The following DLGAP2 variants were observed in gnomAD, a reference collection of about 807,000 sequenced individuals.
DLGAP2 encodes the protein disks large-associated protein 2.
In DLGAP2, 26 loss-of-function variants were observed where a neutral mutation model predicts 100.3. The ratio of observed to expected loss-of-function variants is 0.26; its 90% CI spans 0.19 to 0.36. DLGAP2 has a LOEUF of 0.36. Ranked by LOEUF, DLGAP2 falls within the 10% of genes least tolerant of loss-of-function variation. The pLI is 1.00. For synonymous variants in DLGAP2, 886 were observed against 630.1 expected (o/e 1.41, Z -6.08); for missense variants, 1,858 against 1,453.2 (o/e 1.28, Z -4.53).
chr8:1,689,947 G>A (rs904778078), intron 12 of DLGAP2, among the ~76,000 whole-genome samples: 2 of 152,224 alleles, frequency 1.3e-5, no homozygotes, highest in Non-Finnish European at 1.5e-5. Context: ...GGCCCAGGGT[G>A]CACTGGTAAG....
intron 6 of DLGAP2, among the ~76,000 whole-genome samples, chr8:1,571,340 A>G (rs1354875799): frequency 1.9e-5 from 2 of 106,504 alleles, no homozygotes; most frequent in African/African-American, 3.7e-5. Context: ...AGAGAGGGTG[A>G]ACTGTGGGGG....
chr8:1,667,438 C>T (rs1798572807), intron 8 of DLGAP2, among the ~76,000 whole-genome samples: 1 of 152,082 alleles, frequency 6.6e-6, no homozygotes. Context: ...GTGAGCGTGG[C>T]CTGGCCCAGC....
intron 2 of DLGAP2, among the ~76,000 whole-genome samples, chr8:914,621 T>G (rs1798553557): frequency 6.6e-6 from 1 of 152,220 alleles, no homozygotes; most frequent in African/African-American, 2.4e-5. Flanking sequence ...GGCACTTCTG[T>G]GCAGAGCAAG....
intron 1 of DLGAP2, among the ~76,000 whole-genome samples, chr8:867,750 T>G (rs557548253): frequency 6.6e-6 from 1 of 152,356 alleles, no homozygotes; most frequent in Admixed American, 6.5e-5. Flanking sequence ...GCGTAATTCC[T>G]GTTCATATTG....
intron 1 of DLGAP2, among the ~76,000 whole-genome samples, chr8:762,825 A>G (rs1821119859): frequency 6.6e-6 from 1 of 151,990 alleles, no homozygotes. Context: ...TCACAGGTAC[A>G]CACCACTACA....
intron 1 of DLGAP2, among the ~76,000 whole-genome samples, chr8:880,246 A>T (rs1402220574): frequency 1.3e-5 from 2 of 151,878 alleles, no homozygotes; most frequent in African/African-American, 2.4e-5. Flanking sequence ...ACATCCTCCT[A>T]ATCAATTTCT....
intron 3 of DLGAP2, among the ~76,000 whole-genome samples, chr8:1,338,206 G>A (rs12548351): frequency 0.58 from 88,492 of 152,136 alleles, 27,670 homozygotes; most frequent in African/African-American, 0.82. Context: ...AAATGAAGAC[G>A]TATGTCTACA....
intron 1 of DLGAP2, among the ~76,000 whole-genome samples, chr8:752,560 G>A (rs2132575845): frequency 6.6e-6 from 1 of 152,328 alleles, no homozygotes; most frequent in South Asian, 2.1e-4. Flanking sequence ...GCTTGGTGTG[G>A]AGTCAGAAGG....
chr8:1,647,846 C>G (rs1340641629), intron 8 of DLGAP2, among the ~76,000 whole-genome samples: 2 of 152,130 alleles, frequency 1.3e-5, no homozygotes, highest in Non-Finnish European at 2.9e-5. Context: ...GTCAGGGTGT[C>G]CAGTGTGGGC....
intron 2 of DLGAP2, among the ~76,000 whole-genome samples, chr8:1,041,880 C>A (rs1802363367): frequency 1.3e-5 from 2 of 152,192 alleles, no homozygotes; most frequent in Admixed American, 6.5e-5. Context: ...GCTGGACTCT[C>A]ACCATGCGGA....
At chr8:779,161 C>G (rs1021898085) in intron 1 of DLGAP2, among the ~76,000 whole-genome samples, 1 of 152,242 alleles carries the variant, frequency 6.6e-6, no homozygotes, top group South Asian at 2.1e-4. Context: ...TGACGCCTTG[C>G]GCTTCCCGAG....
chr8:1,432,044 G>T (rs894966336), intron 3 of DLGAP2, among the ~76,000 whole-genome samples: 1 of 148,526 alleles, frequency 6.7e-6, no homozygotes, highest in Admixed American at 6.7e-5. Flanking sequence ...CATCCATCGG[G>T]GCTGAACCCT....
intron 3 of DLGAP2, among the ~76,000 whole-genome samples, chr8:1,459,687 T>TTC (rs1044226251): frequency 8.9e-5 from 13 of 146,478 alleles, no homozygotes; most frequent in African/African-American, 2.8e-4. Flanking sequence ...TTGTTTTCTT[T>TTC]TTTTTTTTTT....
At chr8:1,136,807 C>G (rs1338198922) in intron 2 of DLGAP2, among the ~76,000 whole-genome samples, 7 of 152,322 alleles carry the variant, frequency 4.6e-5, no homozygotes, top group Non-Finnish European at 8.8e-5. Context: ...CCTAGAAGAC[C>G]AGGCCTGGCT....
rs369284313 is a variant in DLGAP2 at position 960,252 on chromosome 8, T to TTTTTTTTTTTTTTTTTTTTTA, written c.73+52286_73+52287insTTTTTTTTTTTTTTTTTTTTA. Among the ~76,000 whole-genome samples, 5 of 142,014 alleles carry TTTTTTTTTTTTTTTTTTTTTA rather than the reference T, an allele frequency of 3.5e-5. No homozygotes were observed. In the East Asian group the frequency reaches 6.2e-4, roughly 18 times the overall value. 93.2% of individuals were successfully genotyped at this position (142,014 alleles called of 152,430 possible). A position where few individuals can be genotyped will look rare whatever the true frequency, so the allele number is the denominator to read the frequency against. ...TGAAGTATATCTTTTTTTTTTTTTT[T>TTTTTTTTTTTTTTTTTTTTTA]CCCGAGACACTCTCACGCTGTCGTC... On this transcript the variant is annotated intron_variant, in intron 2 of 14. Transcript: ENST00000637795.
At chr8:1,483,434 C>T (rs1187112414) in intron 3 of DLGAP2, among the ~76,000 whole-genome samples, 2 of 151,156 alleles carry the variant, frequency 1.3e-5, no homozygotes, top group Non-Finnish European at 3.0e-5. Context: ...AGCTGAACTG[C>T]TGTGTAAGAG....
chr8:1,325,627 C>T (rs1054166240), intron 3 of DLGAP2, among the ~76,000 whole-genome samples: 1 of 152,160 alleles, frequency 6.6e-6, no homozygotes. Context: ...ACAAGCATAC[C>T]CTACAGGGCC....
intron 3 of DLGAP2, among the ~76,000 whole-genome samples, chr8:1,422,564 A>G (rs931389045): frequency 6.6e-6 from 1 of 150,752 alleles, no homozygotes; most frequent in African/African-American, 2.4e-5. Context: ...TTGACATTAA[A>G]AAAAAAAAAA....
intron 2 of DLGAP2, among the ~76,000 whole-genome samples, chr8:1,096,436 G>A (rs1435979778): frequency 6.6e-6 from 1 of 152,238 alleles, no homozygotes; most frequent in African/African-American, 2.4e-5. Context: ...CAACCTCTGT[G>A]GCATGGAGAG....
Sources: allele counts gnomAD v4.1 joint callset (sites outside exome capture counted in the v4.1 genomes callset), GRCh38; gene constraint gnomAD v4.1.1; transcripts MANE v1.5; gene names NCBI Gene and HGNC (gene_info 2026-07-23, HGNC 2026-07-21).